The following ZNF385B variants were observed in gnomAD, a reference collection of about 807,000 sequenced individuals.
The protein encoded by ZNF385B is zinc finger protein 533.
ZNF385B carries 23 observed loss-of-function variants against 39.2 expected under a neutral mutation model. The ratio of observed to expected loss-of-function variants is 0.59; its 90% confidence interval spans 0.42 to 0.83. The LOEUF is 0.83. Among genes scored for constraint, ZNF385B ranks in the 40% least tolerant of loss-of-function variants. ZNF385B has a pLI of 0.00. For missense variants in ZNF385B, 552 were observed against 598.9 expected (o/e 0.92, Z 0.82); for synonymous variants, 205 against 222.6 (o/e 0.92, Z 0.70).
chr2:179,529,349 A>G (rs1166213118), intron 4 of ZNF385B, among the ~76,000 whole-genome samples: 2 of 152,190 alleles, frequency 1.3e-5, no homozygotes, highest in African/African-American at 4.8e-5. Flanking sequence ...ATGCTTAGAT[A>G]TGACTGGAAA....
chr2:179,537,758 C>A (rs572940163), intron 4 of ZNF385B, among the ~76,000 whole-genome samples: 2,877 of 99,772 alleles, frequency 0.029, 86 homozygotes, highest in African/African-American at 0.099. Context: ...AACAAACAAA[C>A]AAACAAACAA....
chr2:179,474,284 T>G (rs928341583), intron 6 of ZNF385B, among the ~76,000 whole-genome samples: 1 of 152,178 alleles, frequency 6.6e-6, no homozygotes. Context: ...ATAATGGTAG[T>G]AAGTTTGATG....
chr2:179,635,482 T>C (rs902761808), intron 3 of ZNF385B, among the ~76,000 whole-genome samples: 1 of 152,114 alleles, frequency 6.6e-6, no homozygotes, highest in East Asian at 1.9e-4. Flanking sequence ...CGTATACCTA[T>C]GTATCAAACC....
chr2:179,761,756 CTTTTCTTTTTTT>C (rs1481851118), intron 3 of ZNF385B, among the ~76,000 whole-genome samples: 3 of 109,588 alleles, frequency 2.7e-5, no homozygotes, highest in Non-Finnish European at 5.6e-5. Flanking sequence ...CATTTTTTTT[CTTTTCTTTTTTT>C]TTTTTTTTTT....
intron 3 of ZNF385B, among the ~76,000 whole-genome samples, chr2:179,760,216 C>CTG (rs201993209): frequency 0.063 from 6,900 of 110,002 alleles, 204 homozygotes; most frequent in Middle Eastern, 0.13. Context: ...ACCTGGATTC[C>CTG]TGTGTGCGTG....
chr2:179,822,347 A>G (rs889667966), intron 1 of ZNF385B, among the ~76,000 whole-genome samples: 15 of 152,266 alleles, frequency 9.9e-5, no homozygotes, highest in African/African-American at 3.4e-4. Flanking sequence ...AAGGCAATAC[A>G]CTAACGTGTA....
intron 3 of ZNF385B, among the ~76,000 whole-genome samples, chr2:179,667,259 C>T (rs1695287978): frequency 6.6e-6 from 1 of 152,056 alleles, no homozygotes; most frequent in African/African-American, 2.4e-5. Flanking sequence ...TAGAGAATAG[C>T]CATATAGTAT....
chr2:179,457,010 T>G lies in ZNF385B; in HGVS notation c.716-10240A>C, dbSNP rs539093596. Among the ~76,000 whole-genome samples, 6 of 152,210 alleles carry G rather than the reference T, an allele frequency of 3.9e-5. No homozygotes were observed. In the South Asian group the frequency reaches 1.2e-3, roughly 32 times the overall value. ...ATACAATACACCTGATGATATAGAGTGTTTTCACCACCCTAGAAGCTCCCT... is the reference window on the plus strand; with the variant it reads ...ATACAATACACCTGATGATATAGAGGGTTTTCACCACCCTAGAAGCTCCCT... On this transcript the variant is annotated intron_variant, in intron 6 of 9. Transcript: ENST00000410066.
chr2:179,651,506 T>A (rs1693190170), intron 3 of ZNF385B, among the ~76,000 whole-genome samples: 1 of 151,992 alleles, frequency 6.6e-6, no homozygotes, highest in Non-Finnish European at 1.5e-5. Flanking sequence ...ACACCACGCA[T>A]AATATTTTAA....
At chr2:179,444,676 A>G (rs563038426) in intron 9 of ZNF385B, among the ~76,000 whole-genome samples, 200 bp downstream of exon 9, 6 of 152,316 alleles carry the variant, frequency 3.9e-5, no homozygotes, top group African/African-American at 1.4e-4. Flanking sequence ...ATTAGCTCTT[A>G]AAGAGGTTCA....
intron 3 of ZNF385B, among the ~76,000 whole-genome samples, chr2:179,571,295 A>G (rs1250362419): frequency 6.6e-6 from 1 of 152,226 alleles, no homozygotes; most frequent in Non-Finnish European, 1.5e-5. Flanking sequence ...AGTTATGGAC[A>G]ATAAGGAATA....
At chr2:179,747,429 C>A (rs929871655) in intron 3 of ZNF385B, among the ~76,000 whole-genome samples, 2 of 152,094 alleles carry the variant, frequency 1.3e-5, no homozygotes, top group African/African-American at 4.8e-5. Context: ...TATTTGTCAC[C>A]TGAAGCCCCT....
At chr2:179,489,579 GAAAT>G (rs770635490) in intron 5 of ZNF385B, among the ~76,000 whole-genome samples, 6 of 152,236 alleles carry the variant, frequency 3.9e-5, no homozygotes, top group Middle Eastern at 3.4e-3. Context: ...AGTTTTCTGA[GAAAT>G]AAATAATTAC....
intron 1 of ZNF385B, among the ~76,000 whole-genome samples, chr2:179,840,452 T>A (rs1418212131): frequency 1.3e-5 from 2 of 152,204 alleles, no homozygotes; most frequent in Non-Finnish European, 2.9e-5. Context: ...TGGAAAGATT[T>A]TTTTGTTGAC....
intron 1 of ZNF385B, among the ~76,000 whole-genome samples, chr2:179,849,695 T>C (rs983028710): frequency 6.6e-6 from 1 of 152,232 alleles, no homozygotes; most frequent in Non-Finnish European, 1.5e-5. Context: ...CAATCAAATA[T>C]TGAGTCAATA....
At chr2:179,836,856 AT>A (rs555929197) in intron 1 of ZNF385B, among the ~76,000 whole-genome samples, 33 of 152,324 alleles carry the variant, frequency 2.2e-4, no homozygotes, top group African/African-American at 7.5e-4. Context: ...CTTGCAAACA[AT>A]CACAGCAAAC....
At chr2:179,481,399 A>AT (rs1244263406) in intron 6 of ZNF385B, among the ~76,000 whole-genome samples, 2 of 132,358 alleles carry the variant, frequency 1.5e-5, no homozygotes, top group Non-Finnish European at 3.3e-5. Flanking sequence ...TTTTTTTTCT[A>AT]TTTTTTTCTC....
intron 3 of ZNF385B, among the ~76,000 whole-genome samples, chr2:179,766,493 C>T (rs1391554872): frequency 2.0e-5 from 3 of 152,100 alleles, no homozygotes; most frequent in Non-Finnish European, 2.9e-5. Flanking sequence ...CAATGTGTTA[C>T]TTGGGTTGGT....
At chr2:179,611,484 A>G (rs1251039759) in intron 3 of ZNF385B, among the ~76,000 whole-genome samples, 2 of 152,164 alleles carry the variant, frequency 1.3e-5, no homozygotes, top group Non-Finnish European at 2.9e-5. Context: ...GTTTATCAGG[A>G]ATATTGGCCG....
Sources: gnomAD v4.1 joint callset for allele counts (sites outside exome capture counted in the v4.1 genomes callset) on GRCh38, gnomAD v4.1.1 for gene constraint, MANE v1.5 for transcripts, NCBI Gene and HGNC (gene_info 2026-07-23, HGNC 2026-07-21) for gene names.